The following IRAG1 variants were observed in gnomAD, a reference collection of about 807,000 sequenced individuals.
IRAG1 encodes the protein IP3R-associated cGMP kinase substrate.
IRAG1 carries 62 observed loss-of-function variants against 106.2 expected under a neutral mutation model. The observed-to-expected ratio is 0.58, with a 90% CI of 0.48 to 0.72. The LOEUF (loss-of-function observed/expected upper bound fraction) is 0.72, where lower values mean the gene tolerates loss of function less well. Ranked by LOEUF, IRAG1 falls within the 30% of genes least tolerant of loss-of-function variation. The probability of loss-of-function intolerance (pLI) is 0.00; values close to 1 mark genes in which losing one functional copy is unlikely to be tolerated. For synonymous variants in IRAG1, 462 were observed against 443.9 expected (o/e 1.04, Z -0.51); for missense variants, 1,064 against 1,140.7 (o/e 0.93, Z 0.97).
intron 18 of IRAG1, among the ~76,000 whole-genome samples, chr11:10,583,954 G>T (rs554697058): frequency 1.9e-3 from 291 of 152,156 alleles, no homozygotes; most frequent in African/African-American, 6.6e-3. Flanking sequence ...GAGAGGAGGG[G>T]TGTAAAAGAG....
At chr11:10,693,478 G>C in intron 1 of IRAG1, 58 bp downstream of exon 1, 1 of 1,534,066 alleles carries the variant, frequency 6.5e-7, no homozygotes, top group African/African-American at 1.4e-5. Context: ...GGAAGAGAAG[G>C]TTCCCTCCGC....
At chr11:10,683,270 T>C (rs1463922184) in intron 1 of IRAG1, among the ~76,000 whole-genome samples, 1 of 151,810 alleles carries the variant, frequency 6.6e-6, no homozygotes, top group Non-Finnish European at 1.5e-5. Context: ...AGTTTGTGTG[T>C]GCCCAAGTAA....
chr11:10,648,198 T>C (rs1250394546), intron 2 of IRAG1, among the ~76,000 whole-genome samples: 1 of 152,118 alleles, frequency 6.6e-6, no homozygotes, highest in African/African-American at 2.4e-5. Context: ...ACCCCATATC[T>C]ACTAAAAATA....
chr11:10,628,621 G>A lies in IRAG1; in HGVS notation c.652+130C>T, dbSNP rs1846137742. ...CCCCCCTGGAGAGGGGTCTTGCTCT[G>A]GGTGTGAAGGGGCCATCAGAGTTCT... On this transcript the variant is annotated intron_variant, in intron 6 of 20. Transcript: ENST00000423302. The surrounding 1 kb of genome is among the most constrained non-coding windows in gnomAD (Gnocchi z 4.1). 1 of 749,910 alleles carries A rather than the reference G, an allele frequency of 1.3e-6. No individual in the cohort carries two copies. The highest frequency in any genetic ancestry group is 3.0e-5 in the East Asian group (1 of 33,264). 46.5% of individuals were successfully genotyped at this position (749,910 alleles called of 1,614,324 possible).
chr11:10,596,389 T>G (rs1057042409), intron 15 of IRAG1, among the ~76,000 whole-genome samples: 2 of 152,254 alleles, frequency 1.3e-5, no homozygotes, highest in African/African-American at 4.8e-5. Context: ...TTATTGCCAT[T>G]GAGAATTGTC....
intron 1 of IRAG1, among the ~76,000 whole-genome samples, chr11:10,684,153 C>T (rs1262324810): frequency 6.6e-6 from 1 of 152,104 alleles, no homozygotes; most frequent in Non-Finnish European, 1.5e-5. Context: ...AAGACACATG[C>T]ATACGTATGT....
intron 1 of IRAG1, among the ~76,000 whole-genome samples, chr11:10,685,139 T>C (rs889624510): frequency 5.3e-5 from 8 of 152,176 alleles, no homozygotes; most frequent in Non-Finnish European, 7.3e-5. Context: ...TACTGGCACA[T>C]AGACATTCAG....
chr11:10,637,528 C>T (rs1259470478), intron 2 of IRAG1, among the ~76,000 whole-genome samples: 3 of 152,156 alleles, frequency 2.0e-5, no homozygotes, highest in South Asian at 2.1e-4. Context: ...TGGCCAAAGG[C>T]CTGCTCTCTC....
intron 1 of IRAG1, among the ~76,000 whole-genome samples, chr11:10,668,693 G>C (rs1406942525): frequency 1.3e-5 from 2 of 152,050 alleles, no homozygotes; most frequent in African/African-American, 4.8e-5. Flanking sequence ...TCCCCTATTT[G>C]GCTGAGAGAC....
At position 10,576,257 on chromosome 11, in the gene IRAG1, G is replaced by T; in HGVS notation, c.*75C>A. ...TGGGCGGCAGTGTGTCCACACTTGG[G>T]CCTGACGTTATACTTGGGGAAAGGG... On this transcript the variant is annotated 3_prime_UTR_variant, in exon 21 of 21. Coordinates refer to ENST00000423302, the MANE Select transcript of IRAG1 (RefSeq NM_130385.4). 2 of 1,587,092 alleles carry T rather than the reference G, an allele frequency of 1.3e-6. No homozygotes were observed. The highest frequency in any genetic ancestry group is 1.7e-6 in the Non-Finnish European group (2 of 1,163,896).
At position 10,618,175 on chromosome 11, in the gene IRAG1, G is replaced by T. The variant is rs146021356; in HGVS notation, c.1447+5603C>A. The stretch of plus-strand genomic sequence containing the variant: ...TGAAGTATGCCAAGCACTAGAAGAT[G>T]CCTACATGCTTTTGCTTCTGCTGTC... On this transcript the variant is annotated intron_variant, in intron 10 of 20. Transcript: ENST00000423302. 1.4e-3 allele frequency among the ~76,000 whole-genome samples: 208 copies of T among 152,078 alleles called. 1 individual carries two copies. In the Middle Eastern group the frequency reaches 0.031, roughly 22 times the overall value.
rs1298865097 is a variant in IRAG1 at position 10,628,027 on chromosome 11, T to G, written c.653-2A>C. On this transcript the variant is annotated splice_acceptor_variant, in intron 6 of 20. Coordinates refer to ENST00000423302, the MANE Select transcript of IRAG1 (RefSeq NM_130385.4). LOFTEE classifies it high-confidence loss of function. The surrounding 1 kb of genome is among the most constrained non-coding windows in gnomAD (Gnocchi z 4.1). The stretch of plus-strand genomic sequence containing the variant: ...GCGGGCCACTGCACACATCCAAACC[T>G]GGAAGGGTCCAGACACTAGTGAGTG... 1 of 1,613,710 alleles carries G rather than the reference T, an allele frequency of 6.2e-7. No individual in the cohort carries two copies.
intron 12 of IRAG1, among the ~76,000 whole-genome samples, chr11:10,606,301 C>G (rs1284577738): frequency 6.6e-6 from 1 of 152,172 alleles, no homozygotes; most frequent in East Asian, 1.9e-4. Flanking sequence ...GCACAGCTTC[C>G]CGGCTCCGCT....
chr11:10,646,645 G>A (rs1027847119), intron 2 of IRAG1, among the ~76,000 whole-genome samples: 1 of 152,156 alleles, frequency 6.6e-6, no homozygotes, highest in Non-Finnish European at 1.5e-5. Context: ...TACGGGAGGG[G>A]AGGGGTGCAG....
chr11:10,592,448 T>A (rs933518745), intron 17 of IRAG1, among the ~76,000 whole-genome samples: 3 of 152,228 alleles, frequency 2.0e-5, no homozygotes, highest in African/African-American at 4.8e-5. Context: ...AATTTGGGAA[T>A]TTAGGTTGAT....
rs565437043 is a variant in IRAG1 at position 10,575,513 on chromosome 11, T to C, written c.*819A>G. On this transcript the variant is annotated 3_prime_UTR_variant, in exon 21 of 21. Coordinates refer to ENST00000423302, the MANE Select transcript of IRAG1 (RefSeq NM_130385.4). ...ATCTTCAATCCATGTGGACAGCTCATTGAACAGGTGCCTGGTGACTGCCCC... is the reference window on the plus strand; with the variant it reads ...ATCTTCAATCCATGTGGACAGCTCACTGAACAGGTGCCTGGTGACTGCCCC... 8 of 152,350 alleles carry C rather than the reference T, an allele frequency of 5.3e-5. No individual in the cohort carries two copies. The highest frequency in any genetic ancestry group is 2.1e-4 in the South Asian group (1 of 4,826). The allele number at this position is 152,350 out of a possible 1,614,324, so 9.4% of individuals were successfully genotyped here. A position where few individuals can be genotyped will look rare whatever the true frequency, so the allele number is the denominator to read the frequency against.
intron 1 of IRAG1, chr11:10,690,470 A>G: frequency 8.0e-7 from 1 of 1,249,624 alleles, no homozygotes; most frequent in East Asian, 5.7e-5. Flanking sequence ...GTCCAGGGTC[A>G]TGGGCGTGAG....
In IRAG1 at chr11:10,635,177, A is replaced by C. The variant is rs60899484; in HGVS notation, c.226-1106T>G. On this transcript the variant is annotated intron_variant, in intron 2 of 20. Coordinates refer to ENST00000423302, the MANE Select transcript of IRAG1 (RefSeq NM_130385.4). ...ACAGTCCTACCTTTGGGTAACTTTG[A>C]CATTTCAGTGATCGTAATTTGTTAG... is the stretch of plus-strand genomic sequence containing the variant. 8.6e-3 allele frequency among the ~76,000 whole-genome samples: 1,316 copies of C among 152,302 alleles called. 21 individuals are homozygous for C. The highest frequency in any genetic ancestry group is 0.031 in the African/African-American group (1,271 of 41,556).
Position 10,576,421 on chromosome 11 carries a change from C to T in IRAG1, c.2650G>A (p.Gly884Arg). The T allele has an allele frequency of 6.2e-7, 1 of 1,613,960 alleles. No homozygotes were observed. The highest frequency in any genetic ancestry group is 2.2e-5 in the East Asian group (1 of 44,880). Residue 884 changes from glycine (G) to arginine (R), a missense_variant, in exon 21 of 21, where the codon GGG becomes AGG. Gly to Arg is a moderately radical substitution (Grantham distance 125). Coordinates refer to ENST00000423302, the MANE Select transcript of IRAG1 (RefSeq NM_130385.4). ...SYNSCAEQAD[G>R]PLGRSTCSAA... ...GAGCAAGTGGATCTTCCAAGGGGCCCATCAGCCTGCTCTGCACAAGAGTTA... is the reference window on the plus strand; with the variant it reads ...GAGCAAGTGGATCTTCCAAGGGGCCTATCAGCCTGCTCTGCACAAGAGTTA...
Sources: gnomAD v4.1 joint callset for allele counts (sites outside exome capture counted in the v4.1 genomes callset) on GRCh38, gnomAD v4.1.1 for gene constraint, Gnocchi (gnomAD v3.1) non-coding constraint, MANE v1.5 for transcripts, NCBI Gene and HGNC (gene_info 2026-07-23, HGNC 2026-07-21) for gene names.